TMEM132C: variants seen among roughly 807,000 people sequenced by gnomAD.
TMEM132C encodes the protein protein phosphatase 1, regulatory subunit 152.
In TMEM132C, 29 loss-of-function variants were observed where a neutral mutation model predicts 61.4. The ratio of observed to expected loss-of-function variants is 0.47; its 90% CI spans 0.35 to 0.64. The LOEUF (loss-of-function observed/expected upper bound fraction) is 0.64, where lower values mean the gene tolerates loss of function less well. Among genes scored for constraint, TMEM132C ranks in the 30% least tolerant of loss-of-function variants. TMEM132C has a pLI of 0.00. For missense variants in TMEM132C, 1,408 were observed against 1,476.9 expected, an observed-to-expected ratio of 0.95 and a Z score of 0.76; for synonymous variants, 656 against 633.1, an observed-to-expected ratio of 1.04 and a Z score of -0.54.
At chr12:128,385,535 C>A (rs1874553255) in intron 1 of TMEM132C, among the ~76,000 whole-genome samples, 1 of 152,172 alleles carries the variant, frequency 6.6e-6, no homozygotes, top group East Asian at 1.9e-4. Flanking sequence ...CCGTTTTCAA[C>A]TGATGTGAGG....
chr12:128,451,484 T>G (rs1419653283), intron 2 of TMEM132C, among the ~76,000 whole-genome samples: 1 of 152,212 alleles, frequency 6.6e-6, no homozygotes, highest in Non-Finnish European at 1.5e-5. Context: ...GGCTGCATAT[T>G]TTGTGAGGTT....
chr12:128,590,399 A>G (rs1268366672), intron 3 of TMEM132C, among the ~76,000 whole-genome samples: 1 of 152,206 alleles, frequency 6.6e-6, no homozygotes, highest in Admixed American at 6.5e-5. Context: ...TGTAATTCAG[A>G]AACTGTGCAG....
At chr12:128,307,248 A>C (rs1871815298) in intron 1 of TMEM132C, among the ~76,000 whole-genome samples, 1 of 152,222 alleles carries the variant, frequency 6.6e-6, no homozygotes, top group Non-Finnish European at 1.5e-5. Flanking sequence ...GAGAAGTAAT[A>C]GCTTCTTCTG....
chr12:128,446,059 G>C (rs890955965), intron 2 of TMEM132C, among the ~76,000 whole-genome samples: 4 of 152,180 alleles, frequency 2.6e-5, no homozygotes, highest in African/African-American at 9.7e-5. Flanking sequence ...ACGGGGGATG[G>C]TGTGAGACTT....
At chr12:128,497,759 C>T (rs1191028840) in intron 2 of TMEM132C, among the ~76,000 whole-genome samples, 1 of 152,188 alleles carries the variant, frequency 6.6e-6, no homozygotes, top group African/African-American at 2.4e-5. Flanking sequence ...AAAGGGAATT[C>T]CCTGACCCCT....
intron 4 of TMEM132C, among the ~76,000 whole-genome samples, chr12:128,653,841 T>G (rs1409705996): frequency 6.6e-6 from 1 of 152,154 alleles, no homozygotes; most frequent in East Asian, 1.9e-4. Context: ...CAATTCACCA[T>G]CAGCTCAGAG....
intron 5 of TMEM132C, among the ~76,000 whole-genome samples, chr12:128,680,088 G>A (rs3892328): frequency 0.077 from 11,791 of 152,232 alleles, 951 homozygotes; most frequent in African/African-American, 0.2. Context: ...AAGAGAAAAC[G>A]TTAAGATGCA....
At chr12:128,297,452 A>T (rs1040999518) in intron 1 of TMEM132C, among the ~76,000 whole-genome samples, 1 of 152,208 alleles carries the variant, frequency 6.6e-6, no homozygotes, top group African/African-American at 2.4e-5. Context: ...GGGTGCTATC[A>T]TGGCTCCGGG....
intron 4 of TMEM132C, among the ~76,000 whole-genome samples, chr12:128,648,719 C>T (rs1432364766): frequency 6.8e-6 from 1 of 147,310 alleles, no homozygotes; most frequent in Non-Finnish European, 1.5e-5. Context: ...AGTCCATCAG[C>T]GTTGGATGAG....
intron 2 of TMEM132C, among the ~76,000 whole-genome samples, chr12:128,471,786 A>ATTCCAC (rs1870961710): frequency 1.3e-5 from 2 of 152,216 alleles, no homozygotes; most frequent in Non-Finnish European, 2.9e-5. Context: ...TGGAAGATTG[A>ATTCCAC]ATGAATTGCT....
At chr12:128,309,634 AT>A (rs1871904695) in intron 1 of TMEM132C, among the ~76,000 whole-genome samples, 1 of 151,638 alleles carries the variant, frequency 6.6e-6, no homozygotes, top group Non-Finnish European at 1.5e-5. Context: ...ATCCTACAAT[AT>A]GTGACCTCTG....
intron 3 of TMEM132C, among the ~76,000 whole-genome samples, chr12:128,575,791 A>G (rs1875070894): frequency 1.3e-5 from 2 of 152,240 alleles, no homozygotes; most frequent in Non-Finnish European, 2.9e-5. Flanking sequence ...CAAACATCAT[A>G]GAATCAAATA....
intron 1 of TMEM132C, among the ~76,000 whole-genome samples, chr12:128,274,328 A>G (rs1870616148): frequency 6.6e-6 from 1 of 151,708 alleles, no homozygotes; most frequent in East Asian, 1.9e-4. Context: ...TATGTATAAC[A>G]TTTTTTTCTT....
chr12:128,413,322 C>CCAATGTTG (rs1868635936), intron 1 of TMEM132C, among the ~76,000 whole-genome samples: 1 of 50,196 alleles, frequency 2.0e-5, no homozygotes, highest in Non-Finnish European at 4.8e-5. Context: ...AAAAAAAAAA[C>CCAATGTTG]CAATGTTGCA....
intron 3 of TMEM132C, among the ~76,000 whole-genome samples, chr12:128,567,273 T>C (rs979270951): frequency 3.3e-5 from 5 of 152,100 alleles, no homozygotes; most frequent in African/African-American, 9.7e-5. Context: ...CCAAACTCAA[T>C]TGAAAAAAAG....
intron 1 of TMEM132C, among the ~76,000 whole-genome samples, chr12:128,382,060 C>T (rs1343161702): frequency 4.0e-5 from 6 of 149,896 alleles, no homozygotes; most frequent in Non-Finnish European, 8.9e-5. Flanking sequence ...TTTTTAGGTA[C>T]ACAAATAATA....
chr12:128,647,959 C>T (rs372665038), intron 4 of TMEM132C, among the ~76,000 whole-genome samples: 5 of 139,534 alleles, frequency 3.6e-5, no homozygotes, highest in South Asian at 4.5e-4. Flanking sequence ...AGTCCATTGG[C>T]GTTGGATGTG....
At chr12:128,294,030 G>T (rs1709696) in intron 1 of TMEM132C, 35,421 of 154,562 alleles carry the variant, frequency 0.23, 4,568 homozygotes, top group East Asian at 0.5. Context: ...AATCAGAATG[G>T]AATAAAATGG....
intron 2 of TMEM132C, among the ~76,000 whole-genome samples, chr12:128,457,321 AAC>A (rs1491162694): frequency 3.3e-5 from 5 of 151,600 alleles, no homozygotes; most frequent in Non-Finnish European, 7.4e-5. Context: ...AAAAAAAAAA[AAC>A]AGCGCTTTGG....
Sources: allele counts gnomAD v4.1 joint callset (sites outside exome capture counted in the v4.1 genomes callset), GRCh38; gene constraint gnomAD v4.1.1; transcripts MANE v1.5; gene names NCBI Gene and HGNC (gene_info 2026-07-23, HGNC 2026-07-21).